Variants in LAMA2 observed in about 807,000 individuals in gnomAD.
The protein encoded by LAMA2 is laminin subunit alpha 2.
In LAMA2, 269 loss-of-function variants were observed where a neutral mutation model predicts 364.8. The ratio of observed to expected loss-of-function variants is 0.74; its 90% CI spans 0.67 to 0.82. The LOEUF is 0.82. Ranked by LOEUF, LAMA2 falls within the 40% of genes least tolerant of loss-of-function variation. LAMA2 has a pLI of 0.00. For synonymous variants in LAMA2, 1,379 were observed against 1,370.6 expected (o/e 1.01, Z -0.14); for missense variants, 3,807 against 3,873.2 (o/e 0.98, Z 0.45).
Position 129,121,891 on chromosome 6 carries a change from C to T in LAMA2, c.640-22010C>T, listed in dbSNP as rs542586101. On this transcript the variant is annotated intron_variant, in intron 4 of 64. Transcript: ENST00000421865. ...AGTTACCTAAAATCCCAAATCTTCC[C>T]TGAGGTAATAGCTTCAGTTGAGATA... Among the ~76,000 whole-genome samples, 122 of 152,202 alleles carry T rather than the reference C, an allele frequency of 8.0e-4. 1 individual carries two copies. Among genetic ancestry groups the T allele is most frequent in the African/African-American group, 2.8e-3 (118 of 41,542 alleles).
chr6:129,501,254 A>G (rs1332097073), intron 58 of LAMA2, among the ~76,000 whole-genome samples: 1 of 152,196 alleles, frequency 6.6e-6, no homozygotes. Context: ...GTAATAAGAA[A>G]GGTGCCACAT....
At chr6:129,172,682 G>C (rs2115006837) in intron 9 of LAMA2, among the ~76,000 whole-genome samples, 1 of 152,360 alleles carries the variant, frequency 6.6e-6, no homozygotes, top group Admixed American at 6.5e-5. Context: ...AGGCCTCCTT[G>C]AGCTGTGGTG....
chr6:129,383,008 C>T (rs1029803245), intron 34 of LAMA2, 114 bp from the exon 35 acceptor site: 38 of 782,392 alleles, frequency 4.9e-5, no homozygotes, highest in Non-Finnish European at 8.0e-5. Flanking sequence ...AATAATTCAT[C>T]GATTGCCGTT....
intron 1 of LAMA2, among the ~76,000 whole-genome samples, chr6:128,924,930 G>T (rs1280699176): frequency 6.6e-6 from 1 of 152,174 alleles, no homozygotes; most frequent in Non-Finnish European, 1.5e-5. Flanking sequence ...TTAAAAAATA[G>T]TATGTGAATA....
intron 4 of LAMA2, among the ~76,000 whole-genome samples, chr6:129,130,319 A>C (rs1253518131): frequency 6.6e-6 from 1 of 152,244 alleles, no homozygotes; most frequent in East Asian, 1.9e-4. Flanking sequence ...CTCTGGCCCT[A>C]GGCCATGGAG....
Position 129,059,892 on chromosome 6 carries a change from A to T in LAMA2, c.392A>T (p.Gln131Leu), listed in dbSNP as rs772666610. 4 of 1,493,788 alleles carry T rather than the reference A, an allele frequency of 2.7e-6. No individual in the cohort carries two copies. In the South Asian group the frequency reaches 4.5e-5, roughly 17 times the overall value. The allele number at this position is 1,493,788 out of a possible 1,614,324, so 92.5% of individuals were successfully genotyped here. ...YHYVTITLDL[Q>L]QVFQIAYVIV... The stretch of plus-strand genomic sequence containing the variant: ...TATGTGACAATTACCCTGGATTTAC[A>T]GCAGGTATAGTTCCTCTTTTTTTGT... Residue 131 changes from glutamine to leucine, a missense_variant, in exon 3 of 65, where the codon CAG (glutamine) becomes CTG (leucine). Gln to Leu is a moderately radical substitution (Grantham distance 113, BLOSUM62 -2). Transcript: ENST00000421865.
At chr6:129,400,010 G>C (rs1039320165) in intron 37 of LAMA2, among the ~76,000 whole-genome samples, 5 of 152,146 alleles carry the variant, frequency 3.3e-5, no homozygotes, top group African/African-American at 1.2e-4. Context: ...ACCAAAAACT[G>C]AGTGGCTTAT....
intron 1 of LAMA2, among the ~76,000 whole-genome samples, chr6:128,926,944 G>A (rs751331214): frequency 2.6e-5 from 4 of 152,152 alleles, no homozygotes; most frequent in Non-Finnish European, 5.9e-5. Flanking sequence ...ATCTTATTAA[G>A]GTTGACATCC....
intron 28 of LAMA2, among the ~76,000 whole-genome samples, chr6:129,326,324 A>G (rs946202844): frequency 2.6e-5 from 4 of 152,032 alleles, no homozygotes; most frequent in African/African-American, 4.8e-5. Flanking sequence ...GACTCCCACT[A>G]TGGGCGCTTG....
At position 129,149,218 on chromosome 6, in the gene LAMA2, C is replaced by T. The variant is rs770452391; in HGVS notation, c.1027+122C>T. On this transcript the variant is annotated intron_variant, in intron 7 of 64. Transcript: ENST00000421865. ...GTCAACAAATACTCATTTATATTATCACTTCGAAGACAACCCATATGTCTA... is the reference window on the plus strand; with the variant it reads ...GTCAACAAATACTCATTTATATTATTACTTCGAAGACAACCCATATGTCTA... 55 of 736,882 alleles carry T rather than the reference C, an allele frequency of 7.5e-5. No homozygotes were observed. In the Middle Eastern group the frequency reaches 9.7e-4, roughly 13 times the overall value. 45.6% of individuals were successfully genotyped at this position (736,882 alleles called of 1,614,324 possible).
At chr6:129,056,251 A>G (rs775732007) in intron 2 of LAMA2, among the ~76,000 whole-genome samples, 4 of 152,178 alleles carry the variant, frequency 2.6e-5, no homozygotes, top group Non-Finnish European at 5.9e-5. Context: ...TTGATTCCCC[A>G]TATGCCAATT....
chr6:129,192,745 GGAC>G lies in LAMA2; in HGVS notation c.1678_1680del (p.Asp560del), dbSNP rs1781597938. On this transcript the variant is annotated inframe_deletion, in exon 12 of 65. Transcript: ENST00000421865. The stretch of plus-strand genomic sequence containing the variant: ...GCCGCATTCGAGTGGCTCCCCAGCA[GGAC>G]GACTTGGACTCACCTCAGCAGATCA... 1 of 1,614,056 alleles carries G rather than the reference GGAC, an allele frequency of 6.2e-7. No individual in the cohort carries two copies. The highest frequency in any genetic ancestry group is 1.3e-5 in the African/African-American group (1 of 74,934).
At chr6:129,308,646 A>T (rs892337083) in intron 22 of LAMA2, among the ~76,000 whole-genome samples, 1 of 152,224 alleles carries the variant, frequency 6.6e-6, no homozygotes, top group Non-Finnish European at 1.5e-5. Context: ...ACAAAAAAAA[A>T]CAAAACTCAT....
intron 32 of LAMA2, among the ~76,000 whole-genome samples, chr6:129,359,577 A>C (rs1583571105): frequency 7.6e-6 from 1 of 131,606 alleles, no homozygotes; most frequent in East Asian, 2.1e-4. Flanking sequence ...GAAGTGAGAA[A>C]TAGAAAATTC....
At chr6:129,122,877 G>A (rs1364170795) in intron 4 of LAMA2, among the ~76,000 whole-genome samples, 2 of 152,126 alleles carry the variant, frequency 1.3e-5, no homozygotes, top group African/African-American at 4.8e-5. Flanking sequence ...CAAAAAGGAC[G>A]AGGCAATACC....
intron 61 of LAMA2, among the ~76,000 whole-genome samples, chr6:129,506,693 A>G (rs1023530774): frequency 1.3e-5 from 2 of 152,166 alleles, no homozygotes; most frequent in Admixed American, 1.3e-4. Flanking sequence ...ATACATTTCT[A>G]TACTCAAATT....
chr6:129,167,024 C>A (rs1779786390), intron 9 of LAMA2, among the ~76,000 whole-genome samples: 3 of 151,996 alleles, frequency 2.0e-5, no homozygotes, highest in African/African-American at 4.8e-5. Context: ...AATTACTTTT[C>A]AATTATTGTA....
intron 12 of LAMA2, among the ~76,000 whole-genome samples, chr6:129,237,878 G>A (rs899573609): frequency 6.6e-6 from 1 of 151,884 alleles, no homozygotes; most frequent in Non-Finnish European, 1.5e-5. Flanking sequence ...GACATTTTGG[G>A]CTGGGTGTGG....
intron 4 of LAMA2, among the ~76,000 whole-genome samples, chr6:129,106,354 T>G (rs1775824133): frequency 6.6e-6 from 1 of 152,170 alleles, no homozygotes; most frequent in Non-Finnish European, 1.5e-5. Context: ...AAATTCTCCT[T>G]TGATATAACA....
Sources: gnomAD v4.1 joint callset for allele counts (sites outside exome capture counted in the v4.1 genomes callset) on GRCh38, gnomAD v4.1.1 for gene constraint, MANE v1.5 for transcripts, NCBI Gene and HGNC (gene_info 2026-07-23, HGNC 2026-07-21) for gene names.